The following CDH18 variants were observed in gnomAD, a reference collection of about 807,000 sequenced individuals.
CDH18 encodes the protein cadherin-18.
Under a neutral mutation model 67.9 loss-of-function variants are expected in CDH18, and 31 were observed. The observed-to-expected ratio is 0.46, with a 90% CI of 0.34 to 0.62. CDH18 has a LOEUF of 0.62. CDH18 is among the 20% of genes least tolerant of loss of function. The pLI is 0.01. For synonymous variants in CDH18, 362 were observed against 347.2 expected (o/e 1.04, Z -0.48); for missense variants, 890 against 975.5 (o/e 0.91, Z 1.17).
chr5:19,676,770 C>A (rs968523444), intron 5 of CDH18, among the ~76,000 whole-genome samples: 2 of 151,974 alleles, frequency 1.3e-5, no homozygotes, highest in Non-Finnish European at 2.9e-5. Flanking sequence ...AAGAAGCACA[C>A]TGTGCATGCA....
chr5:19,719,594 C>G (rs887430796), intron 5 of CDH18, among the ~76,000 whole-genome samples: 1 of 151,750 alleles, frequency 6.6e-6, no homozygotes, highest in Admixed American at 6.6e-5. Context: ...ACTTAGATTA[C>G]TAGATTAATA....
Position 20,503,840 on chromosome 5 carries a change from C to T in CDH18, c.-580+71622G>A, listed in dbSNP as rs1397398110. Among the ~76,000 whole-genome samples, 3 of 152,182 alleles carry T rather than the reference C, an allele frequency of 2.0e-5. No homozygotes were observed. The South Asian group carries it at 6.2e-4, about 32-fold the overall frequency. On this transcript the variant is annotated intron_variant, in intron 1 of 14. Coordinates refer to the CDH18 transcript ENST00000507958. ...ATTATCTGAGCTCATGAGTTCAAGACCAGCCTGGGCAACAGGGCGAAACCC... is the reference window on the plus strand; with the variant it reads ...ATTATCTGAGCTCATGAGTTCAAGATCAGCCTGGGCAACAGGGCGAAACCC...
At chr5:19,946,276 A>G (rs540117300) in intron 2 of CDH18, among the ~76,000 whole-genome samples, 1 of 152,264 alleles carries the variant, frequency 6.6e-6, no homozygotes, top group African/African-American at 2.4e-5. Flanking sequence ...TCCGGAAGGA[A>G]GGGGAAATAA....
intron 2 of CDH18, among the ~76,000 whole-genome samples, chr5:19,970,504 G>C (rs1049618546): frequency 2.0e-5 from 3 of 151,146 alleles, no homozygotes; most frequent in Non-Finnish European, 4.4e-5. Context: ...AATATAGTTA[G>C]GTAAATTGGT....
intron 4 of CDH18, among the ~76,000 whole-genome samples, chr5:19,740,392 AT>A (rs1372599628): frequency 4.6e-5 from 7 of 152,148 alleles, no homozygotes; most frequent in Non-Finnish European, 8.8e-5. Context: ...TTAAAAAAAA[AT>A]GACTGCAATA....
intron 2 of CDH18, among the ~76,000 whole-genome samples, chr5:19,955,650 G>A (rs1431844430): frequency 6.6e-6 from 1 of 151,904 alleles, no homozygotes; most frequent in Non-Finnish European, 1.5e-5. Flanking sequence ...AGCACATACT[G>A]GACATTCCTA....
chr5:20,567,336 A>G (rs1022839680), intron 1 of CDH18, among the ~76,000 whole-genome samples: 10 of 152,212 alleles, frequency 6.6e-5, no homozygotes, highest in African/African-American at 2.4e-4. Flanking sequence ...GTGTTGAAGT[A>G]TATTTTTCAC....
At chr5:20,518,411 A>G (rs1228973427) in intron 1 of CDH18, among the ~76,000 whole-genome samples, 4 of 152,126 alleles carry the variant, frequency 2.6e-5, no homozygotes, top group Non-Finnish European at 4.4e-5. Flanking sequence ...TCAAAAGTCT[A>G]TATCATCTCC....
intron 3 of CDH18, among the ~76,000 whole-genome samples, chr5:19,758,828 C>T (rs1031869536): frequency 2.0e-5 from 3 of 152,230 alleles, no homozygotes; most frequent in African/African-American, 7.2e-5. Flanking sequence ...ACGCAAATGT[C>T]TCACCAATAA....
At chr5:20,215,433 A>AAAATAAATAAAT (rs556518313) in intron 2 of CDH18, among the ~76,000 whole-genome samples, 2 of 125,894 alleles carry the variant, frequency 1.6e-5, no homozygotes, top group African/African-American at 3.4e-5. Flanking sequence ...TTCCATCCAA[A>AAAATAAATAAAT]AAATAAATAA....
intron 2 of CDH18, among the ~76,000 whole-genome samples, chr5:20,034,056 C>G (rs1739626456): frequency 6.6e-6 from 1 of 151,950 alleles, no homozygotes; most frequent in South Asian, 2.1e-4. Context: ...GCAGTGGAAG[C>G]AGCTGCATGC....
At chr5:20,008,367 T>C (rs1236025055) in intron 2 of CDH18, among the ~76,000 whole-genome samples, 1 of 152,140 alleles carries the variant, frequency 6.6e-6, no homozygotes, top group Non-Finnish European at 1.5e-5. Flanking sequence ...AAACTAAACA[T>C]TTAATTACAT....
chr5:20,463,758 C>T (rs1165156825), intron 1 of CDH18, among the ~76,000 whole-genome samples: 1 of 152,154 alleles, frequency 6.6e-6, no homozygotes, highest in East Asian at 1.9e-4. Flanking sequence ...CTAGAATCAA[C>T]TTGAATTGTG....
At chr5:20,405,949 A>C (rs1249621730) in intron 1 of CDH18, among the ~76,000 whole-genome samples, 1 of 152,140 alleles carries the variant, frequency 6.6e-6, no homozygotes, top group African/African-American at 2.4e-5. Flanking sequence ...GCTGGAGAGG[A>C]TGTGAAGAAA....
intron 2 of CDH18, among the ~76,000 whole-genome samples, chr5:20,039,117 C>G (rs1740169320): frequency 6.6e-6 from 1 of 151,984 alleles, no homozygotes; most frequent in Admixed American, 6.6e-5. Context: ...GAATAAAATA[C>G]CTAGGAATAC....
At chr5:19,475,732 C>A (rs1738350466) in intron 12 of CDH18, among the ~76,000 whole-genome samples, 1 of 151,788 alleles carries the variant, frequency 6.6e-6, no homozygotes, top group South Asian at 2.1e-4. Flanking sequence ...AGATATATTT[C>A]TTATTTATCT....
intron 1 of CDH18, among the ~76,000 whole-genome samples, chr5:20,503,267 T>C (rs1314586497): frequency 1.3e-5 from 2 of 151,328 alleles, no homozygotes; most frequent in South Asian, 4.1e-4. Context: ...TTCCCAGCAA[T>C]GACACAGTGA....
At chr5:19,483,679 C>G in intron 11 of CDH18, 127 bp from the exon 12 acceptor site, 1 of 904,100 alleles carries the variant, frequency 1.1e-6, no homozygotes, top group Non-Finnish European at 1.6e-6. Context: ...GACAAGGGAA[C>G]ACGAAGGGGC....
At chr5:19,720,548 A>T (rs1765953316) in intron 5 of CDH18, among the ~76,000 whole-genome samples, 1 of 152,170 alleles carries the variant, frequency 6.6e-6, no homozygotes, top group Non-Finnish European at 1.5e-5. Flanking sequence ...CAATGGGGAC[A>T]TGTGATTTTT....
Sources: allele counts gnomAD v4.1 joint callset (sites outside exome capture counted in the v4.1 genomes callset), GRCh38; gene constraint gnomAD v4.1.1; transcripts MANE v1.5; gene names NCBI Gene and HGNC (gene_info 2026-07-23, HGNC 2026-07-21).